The following ZNF251 variants were observed in gnomAD, a reference collection of about 807,000 sequenced individuals.
The protein encoded by ZNF251 is zinc finger protein 251.
ZNF251 carries 14 observed loss-of-function variants against 13.5 expected under a neutral mutation model. The observed-to-expected ratio is 1.04, with a 90% CI of 0.69 to 1.63. The LOEUF (loss-of-function observed/expected upper bound fraction) is 1.63. Ranked by LOEUF, ZNF251 falls within the 40% of genes most tolerant of loss-of-function variation. The pLI, the probability that ZNF251 is intolerant of heterozygous loss-of-function variation, is 0.00. For synonymous variants in ZNF251, 287 were observed against 295.2 expected (o/e 0.97, Z 0.28); for missense variants, 764 against 834.9 (o/e 0.92, Z 1.05).
chr8:144,740,268 A>G (rs1381901484), intron 4 of ZNF251, among the ~76,000 whole-genome samples: 1 of 152,094 alleles, frequency 6.6e-6, no homozygotes, highest in Admixed American at 6.6e-5. Flanking sequence ...CTGGGCAACA[A>G]GAGTGAAACT....
At chr8:144,730,736 G>A (rs980928906) in intron 4 of ZNF251, among the ~76,000 whole-genome samples, 1 of 152,256 alleles carries the variant, frequency 6.6e-6, no homozygotes, top group Non-Finnish European at 1.5e-5. Flanking sequence ...GGACAGGACG[G>A]AGCCTGTGGC....
rs961744178 is a variant in ZNF251 at position 144,754,079 on chromosome 8, TA to T, written c.163+112del. The T allele has an allele frequency of 2.8e-6, 4 of 1,412,548 alleles. No homozygotes were observed. The African/African-American group carries it at 5.8e-5, about 20-fold the overall frequency. 87.5% of individuals were successfully genotyped at this position (1,412,548 alleles called of 1,614,324 possible). ...GTTCCTTCTGTAGAGATCAGACTGA[TA>T]CCCGGGGACAAGGGGCAGGACCCTC... is the stretch of plus-strand genomic sequence containing the variant. On this transcript the variant is annotated intron_variant, in intron 3 of 4. Transcript: ENST00000292562.
chr8:144,736,281 T>C (rs1211421140), intron 4 of ZNF251, among the ~76,000 whole-genome samples: 1 of 152,052 alleles, frequency 6.6e-6, no homozygotes, highest in Non-Finnish European at 1.5e-5. Flanking sequence ...CCAGGGACTA[T>C]CCCACTCTGA....
rs1013196252 is a variant in ZNF251 at position 144,754,576 on chromosome 8, G to A, written c.33+120C>T. 3.7e-4 allele frequency: 543 copies of A among 1,466,154 alleles called. 3 individuals carry two copies. Among genetic ancestry groups the A allele is most frequent in the Admixed American group, 8.3e-5 (3 of 36,246 alleles). 90.8% of individuals were successfully genotyped at this position (1,466,154 alleles called of 1,614,324 possible). A position where few individuals can be genotyped will look rare whatever the true frequency, so the allele number is the denominator to read the frequency against. The stretch of plus-strand genomic sequence containing the variant: ...TACCTCTCAGAACCCTTTCCTCACG[G>A]TTGCTATGAGCCCCTGGCTGGCCTT... On this transcript the variant is annotated intron_variant, in intron 2 of 4. Transcript: ENST00000292562.
At position 144,722,714 on chromosome 8, in the gene ZNF251, T is replaced by C. The variant is rs745951663; in HGVS notation, c.946A>G (p.Thr316Ala). ...TTACACTTGTAGGGTTTCTCTCCTGTGTGAATGATCCGATGTTGAATAAGA... is the reference window on the plus strand; with the variant it reads ...TTACACTTGTAGGGTTTCTCTCCTGCGTGAATGATCCGATGTTGAATAAGA... ...STLIQHRIIH[T>A]GEKPYKCNEC... is the part of the protein sequence containing the mutation. The change falls in exon 5 of 5, where the codon ACA becomes GCA. Residue 316 changes from threonine (T) to alanine (A), a missense_variant. Transcript: ENST00000292562. The surrounding 1 kb of genome is among the most constrained non-coding windows in gnomAD (Gnocchi z 4.8). 11 of 1,614,050 alleles carry C rather than the reference T, an allele frequency of 6.8e-6. No homozygotes were observed. Among genetic ancestry groups the C allele is most frequent in the Non-Finnish European group, 8.5e-6 (10 of 1,179,990 alleles).
chr8:144,724,480 G>A (rs1270407727), intron 4 of ZNF251, among the ~76,000 whole-genome samples: 1 of 151,714 alleles, frequency 6.6e-6, no homozygotes. Context: ...ACAGGTGCAG[G>A]CCACTGTGCC....
chr8:144,733,595 C>T (rs1238279615), intron 4 of ZNF251, among the ~76,000 whole-genome samples: 2 of 152,156 alleles, frequency 1.3e-5, no homozygotes, highest in African/African-American at 4.8e-5. Context: ...CAGGAGCCCT[C>T]CTTGGACGTG....
At chr8:144,753,347 G>A (rs1824789258) in intron 4 of ZNF251, 1 of 165,560 alleles carries the variant, frequency 6.0e-6, no homozygotes, top group East Asian at 1.6e-4. Context: ...ATGGAGTGAA[G>A]AATAAAAAGG....
At chr8:144,749,673 G>A (rs978950838) in intron 4 of ZNF251, among the ~76,000 whole-genome samples, 1 of 151,796 alleles carries the variant, frequency 6.6e-6, no homozygotes, top group East Asian at 1.9e-4. Flanking sequence ...TCCTTTTTTA[G>A]CATATCAACT....
intron 4 of ZNF251, among the ~76,000 whole-genome samples, chr8:144,733,284 T>TA (rs1408148046): frequency 6.6e-6 from 1 of 152,232 alleles, no homozygotes; most frequent in Admixed American, 6.5e-5. Context: ...CTCACGCCTG[T>TA]AATCCTAGCA....
intron 4 of ZNF251, among the ~76,000 whole-genome samples, chr8:144,745,193 T>C (rs1168733948): frequency 7.0e-6 from 1 of 143,104 alleles, no homozygotes; most frequent in African/African-American, 2.9e-5. Context: ...AGATTCTTTT[T>C]TTTTTTTTTT....
intron 4 of ZNF251, among the ~76,000 whole-genome samples, chr8:144,724,169 A>G (rs1162315274): frequency 6.8e-6 from 1 of 148,052 alleles, no homozygotes; most frequent in Admixed American, 6.8e-5. Flanking sequence ...GCGTGAACCC[A>G]GGAGGCGGAG....
At chr8:144,741,776 T>C (rs1431389867) in intron 4 of ZNF251, among the ~76,000 whole-genome samples, 1 of 152,174 alleles carries the variant, frequency 6.6e-6, no homozygotes, top group South Asian at 2.1e-4. Context: ...GTAAGTCAAC[T>C]TGAATCGAGA....
intron 4 of ZNF251, among the ~76,000 whole-genome samples, chr8:144,733,028 C>T (rs952534783): frequency 2.0e-5 from 3 of 151,682 alleles, no homozygotes; most frequent in Non-Finnish European, 2.9e-5. Flanking sequence ...TCGAGAGCAG[C>T]CTGGCCAACA....
At position 144,734,372 on chromosome 8, in the gene ZNF251, C is replaced by T. The variant is rs193046784; in HGVS notation, c.278-10990G>A. Among the ~76,000 whole-genome samples the T allele has an allele frequency of 1.3e-5, 2 of 152,338 alleles. No individual in the cohort carries two copies. Among genetic ancestry groups the T allele is most frequent in the Admixed American group, 6.5e-5 (1 of 15,296 alleles). ...TCCAGCGGGTGTCACGGGTCTAATC[C>T]CTGGCACAAACCGGCTACGATTGGT... On this transcript the variant is annotated intron_variant, in intron 4 of 4. Coordinates refer to ENST00000292562, the MANE Select transcript of ZNF251 (RefSeq NM_138367.2). The surrounding 1 kb of genome is among the most constrained non-coding windows in gnomAD (Gnocchi z 4.4).
At chr8:144,752,633 T>C (rs549786400) in intron 4 of ZNF251, among the ~76,000 whole-genome samples, 4 of 152,264 alleles carry the variant, frequency 2.6e-5, no homozygotes, top group African/African-American at 9.6e-5. Context: ...TGCACAAATA[T>C]GGGGTATATT....
At chr8:144,735,604 G>A (rs913988229) in intron 4 of ZNF251, among the ~76,000 whole-genome samples, 3 of 152,022 alleles carry the variant, frequency 2.0e-5, no homozygotes, top group Admixed American at 1.3e-4. Context: ...ACGAGGTCAC[G>A]GAAGCCTCAC....
chr8:144,752,424 C>T (rs1042436412), intron 4 of ZNF251, among the ~76,000 whole-genome samples: 1 of 152,136 alleles, frequency 6.6e-6, no homozygotes, highest in Non-Finnish European at 1.5e-5. Flanking sequence ...GAAATTAATG[C>T]ATGTCCAAAT....
chr8:144,748,851 T>A (rs915979205), intron 4 of ZNF251, among the ~76,000 whole-genome samples: 2 of 152,046 alleles, frequency 1.3e-5, no homozygotes, highest in African/African-American at 4.8e-5. Flanking sequence ...GAGCCATCAC[T>A]CCTGGCCGAA....
Sources: gnomAD v4.1 joint callset for allele counts (sites outside exome capture counted in the v4.1 genomes callset) on GRCh38, gnomAD v4.1.1 for gene constraint, Gnocchi (gnomAD v3.1) non-coding constraint, MANE v1.5 for transcripts, NCBI Gene and HGNC (gene_info 2026-07-23, HGNC 2026-07-21) for gene names.